ZNRF3: variants seen among roughly 807,000 people sequenced by gnomAD.
ZNRF3 encodes zinc and ring finger 3.
Under a neutral mutation model 72.5 loss-of-function variants are expected in ZNRF3, and 23 were observed. That is an observed-to-expected ratio of 0.32 (90% CI 0.23 to 0.45). The LOEUF is 0.45. Ranked by LOEUF, ZNRF3 falls within the 20% of genes least tolerant of loss-of-function variation. ZNRF3 has a pLI of 1.00. For synonymous variants in ZNRF3, 610 were observed against 545.3 expected, an observed-to-expected ratio of 1.12 and a Z score of -1.65; for missense variants, 1,169 against 1,272.1, an observed-to-expected ratio of 0.92 and a Z score of 1.23.
chr22:29,027,998 G>T (rs941150480), intron 2 of ZNRF3, among the ~76,000 whole-genome samples: 4 of 152,190 alleles, frequency 2.6e-5, no homozygotes, highest in Non-Finnish European at 4.4e-5. Context: ...AAAGGGATTT[G>T]ATTCTGTAGC....
At chr22:29,035,888 T>C (rs992518024) in intron 2 of ZNRF3, among the ~76,000 whole-genome samples, 2 of 152,066 alleles carry the variant, frequency 1.3e-5, no homozygotes, top group Non-Finnish European at 2.9e-5. Context: ...CCTTAAACGA[T>C]TTTTAACAGC....
intron 8 of ZNRF3, 80 bp from the exon 9 acceptor site, chr22:29,053,499 C>G (rs1176778491): frequency 7.0e-7 from 1 of 1,423,998 alleles, no homozygotes; most frequent in East Asian, 2.3e-5. Flanking sequence ...ATGCTGGGGA[C>G]AGGGCCACCT....
At chr22:29,042,682 C>T (rs1195401521) in intron 3 of ZNRF3, 113 bp downstream of exon 3, 6 of 952,786 alleles carry the variant, frequency 6.3e-6, no homozygotes, top group East Asian at 2.5e-5. Context: ...TTGCTCTTGT[C>T]TTCTGAAGTT....
chr22:28,987,227 TGTGTTTCTGGTTG>T, intron 2 of ZNRF3, 26 bp downstream of exon 2: 2 of 1,595,606 alleles, frequency 1.3e-6, no homozygotes, highest in Non-Finnish European at 1.7e-6. Context: ...TTGGAATCAC[TGTGTTTCTGGTTG>T]GTGTTTTCCA....
Position 28,971,693 on chromosome 22 carries a change from C to T in ZNRF3, c.301-15383C>T, listed in dbSNP as rs548085272. Among the ~76,000 whole-genome samples the T allele has an allele frequency of 2.4e-3, 371 of 152,198 alleles. 1 individual carries two copies. Among genetic ancestry groups the T allele is most frequent in the African/African-American group, 8.5e-3 (355 of 41,524 alleles). Reference sequence around the variant, plus strand: ...TGGAGTAATGGAGCTCAGCTGCATTCTTTTTTAAAAATTAAATAAGAAATT... The same window carrying T: ...TGGAGTAATGGAGCTCAGCTGCATTTTTTTTTAAAAATTAAATAAGAAATT... On this transcript the variant is annotated intron_variant, in intron 1 of 8. Transcript: ENST00000544604.
intron 1 of ZNRF3, among the ~76,000 whole-genome samples, chr22:28,894,119 G>C (rs944391580): frequency 6.6e-6 from 1 of 151,574 alleles, no homozygotes; most frequent in Non-Finnish European, 1.5e-5. Flanking sequence ...ACCATGCCTG[G>C]CTAATTTTTT....
intron 1 of ZNRF3, among the ~76,000 whole-genome samples, chr22:28,980,092 G>A (rs1049212665): frequency 1.3e-5 from 2 of 152,234 alleles, no homozygotes; most frequent in Non-Finnish European, 2.9e-5. Context: ...AATCCTTAAC[G>A]ATGTCTGTAT....
At chr22:29,021,283 G>A (rs1015983388) in intron 2 of ZNRF3, among the ~76,000 whole-genome samples, 11 of 151,972 alleles carry the variant, frequency 7.2e-5, no homozygotes, top group African/African-American at 2.7e-4. Flanking sequence ...TACTGAGCCA[G>A]TTTTAGTAGA....
At chr22:28,909,192 C>T (rs1425524381) in intron 1 of ZNRF3, among the ~76,000 whole-genome samples, 9 of 152,108 alleles carry the variant, frequency 5.9e-5, no homozygotes, top group East Asian at 3.9e-4. Context: ...CCACCGCGCC[C>T]AGCCTCTGTT....
chr22:28,939,699 C>A (rs549284912), intron 1 of ZNRF3, among the ~76,000 whole-genome samples: 10 of 152,236 alleles, frequency 6.6e-5, no homozygotes, highest in African/African-American at 1.9e-4. Context: ...GCCTTTCATT[C>A]TTGTGTCCCC....
chr22:28,896,920 T>C (rs1204810250), intron 1 of ZNRF3, among the ~76,000 whole-genome samples: 1 of 152,170 alleles, frequency 6.6e-6, no homozygotes, highest in Non-Finnish European at 1.5e-5. Context: ...TCATTCTCTC[T>C]CTTTTGGTTT....
At chr22:28,931,826 G>A (rs1440024816) in intron 1 of ZNRF3, among the ~76,000 whole-genome samples, 2 of 152,222 alleles carry the variant, frequency 1.3e-5, no homozygotes, top group African/African-American at 4.8e-5. Flanking sequence ...TTCCTGCCCA[G>A]TTCCACTGGG....
At chr22:28,997,336 G>C (rs1010761402) in intron 2 of ZNRF3, among the ~76,000 whole-genome samples, 4 of 150,794 alleles carry the variant, frequency 2.7e-5, no homozygotes, top group African/African-American at 9.8e-5. Context: ...CCAAACGGGG[G>C]CAATTTTCAC....
Position 28,883,640 on chromosome 22 carries a change from C to A in ZNRF3, c.-127C>A. Reference sequence around the variant, plus strand: ...GGCCGGGGGAGCCGAGCTGAGCCTGCGACCCACAAAGCCGCCGCCGCCGCC... The same window carrying A: ...GGCCGGGGGAGCCGAGCTGAGCCTGAGACCCACAAAGCCGCCGCCGCCGCC... On this transcript the variant is annotated 5_prime_UTR_variant, in exon 1 of 9. Transcript: ENST00000544604. The surrounding 1 kb of genome is among the most constrained non-coding windows in gnomAD (Gnocchi z 5.5). The A allele has an allele frequency of 1.1e-6, 1 of 916,188 alleles. No homozygotes were observed. The highest frequency in any genetic ancestry group is 1.3e-6 in the Non-Finnish European group (1 of 766,366). 56.8% of individuals were successfully genotyped at this position (916,188 alleles called of 1,614,324 possible).
At chr22:28,957,713 A>G (rs1213982524) in intron 1 of ZNRF3, among the ~76,000 whole-genome samples, 4 of 151,816 alleles carry the variant, frequency 2.6e-5, no homozygotes, top group Non-Finnish European at 4.4e-5. Context: ...TGCCAGGATT[A>G]CAGGTGTGAG....
chr22:28,964,010 A>G (rs1187826342), intron 1 of ZNRF3, among the ~76,000 whole-genome samples: 1 of 152,146 alleles, frequency 6.6e-6, no homozygotes, highest in Admixed American at 6.5e-5. Flanking sequence ...ACTACTACCA[A>G]CCCACCTACA....
chr22:28,986,907 C>T (rs1009051464), intron 1 of ZNRF3, 169 bp from the exon 2 acceptor site: 1 of 862,014 alleles, frequency 1.2e-6, no homozygotes, highest in Non-Finnish European at 1.7e-6. Flanking sequence ...CCCCAGTGCT[C>T]AGCTCATTGT....
intron 1 of ZNRF3, among the ~76,000 whole-genome samples, chr22:28,985,060 C>G (rs1024984207): frequency 2.6e-5 from 4 of 152,190 alleles, no homozygotes; most frequent in Non-Finnish European, 2.9e-5. Flanking sequence ...TTGTGCAACC[C>G]CTTTCCTGTT....
intron 1 of ZNRF3, among the ~76,000 whole-genome samples, chr22:28,923,914 G>A (rs183149008): frequency 1.1e-3 from 164 of 152,356 alleles, no homozygotes; most frequent in African/African-American, 3.6e-3. Context: ...GGGACCGAGC[G>A]GGCGAGGCCA....
Sources: allele counts gnomAD v4.1 joint callset (sites outside exome capture counted in the v4.1 genomes callset), GRCh38; gene constraint gnomAD v4.1.1; non-coding constraint Gnocchi (gnomAD v3.1); transcripts MANE v1.5; gene names NCBI Gene and HGNC (gene_info 2026-07-23, HGNC 2026-07-21).